YJU2B: variants seen among roughly 807,000 people sequenced by gnomAD.
The protein encoded by YJU2B is probable splicing factor YJU2B.
Under a neutral mutation model 38.0 loss-of-function variants are expected in YJU2B, and 18 were observed. The observed-to-expected ratio is 0.47, with a 90% CI of 0.33 to 0.70. The LOEUF (loss-of-function observed/expected upper bound fraction) is 0.70, where lower values mean the gene tolerates loss of function less well. YJU2B is among the 30% of genes least tolerant of loss of function. YJU2B has a pLI of 0.02. For missense variants in YJU2B, 538 were observed against 556.3 expected, an observed-to-expected ratio of 0.97 and a Z score of 0.33; for synonymous variants, 246 against 225.4, an observed-to-expected ratio of 1.09 and a Z score of -0.82.
intron 2 of YJU2B, among the ~76,000 whole-genome samples, chr19:13,754,082 G>C (rs1012909099): frequency 6.6e-6 from 1 of 152,188 alleles, no homozygotes; most frequent in Non-Finnish European, 1.5e-5. Context: ...TGAGGCAGGA[G>C]AATCGCCTGA....
chr19:13,760,013 A>T (rs1010898356), intron 8 of YJU2B, among the ~76,000 whole-genome samples: 4 of 151,958 alleles, frequency 2.6e-5, no homozygotes, highest in African/African-American at 4.8e-5. Context: ...GCAGGTCTCA[A>T]ACTCCCATCC....
chr19:13,738,932 T>G (rs943405498), intron 2 of YJU2B, among the ~76,000 whole-genome samples: 1 of 145,980 alleles, frequency 6.9e-6, no homozygotes, highest in South Asian at 2.2e-4. Context: ...TGCATGGTGG[T>G]GGGCACCTGT....
Position 13,762,451 on chromosome 19 carries a change from CA to C in YJU2B, c.712+15del, listed in dbSNP as rs755890674. 1.1e-5 allele frequency: 17 copies of C among 1,610,038 alleles called. No homozygotes were observed. Among genetic ancestry groups the C allele is most frequent in the Middle Eastern group, 1.9e-4 (1 of 5,404 alleles). The stretch of plus-strand genomic sequence containing the variant: ...ACACCCTGGACTGTGCGTAGGAGGC[CA>C]GGGGGAAAAGGGGACAGGGAGGCTC... On this transcript the variant is annotated intron_variant, in intron 9 of 9. Transcript: ENST00000221554.
At chr19:13,740,149 C>A (rs1161804580) in intron 2 of YJU2B, among the ~76,000 whole-genome samples, 1 of 152,176 alleles carries the variant, frequency 6.6e-6, no homozygotes, top group Middle Eastern at 3.2e-3. Context: ...AGTTCATGTC[C>A]TTTGCAGGGA....
Position 13,762,647 on chromosome 19 carries a change from C to T in YJU2B, c.770C>T (p.Pro257Leu). 6.4e-7 allele frequency: 1 copy of T among 1,553,508 alleles called. No homozygotes were observed. The highest frequency in any genetic ancestry group is 8.6e-7 in the Non-Finnish European group (1 of 1,157,004). ...GAGATCATCAGCCGCTCCTGGTTCC[C>T]CTCTGCCCCCGGATCCGCCTCCAGC... Reference protein sequence around the residue: ...RTEIISRSWFPSAPGSASSSK... With the variant: ...RTEIISRSWFLSAPGSASSSK... Residue 257 changes from proline (P) to leucine (L), a missense_variant, in exon 10 of 10, where the codon CCC (proline) becomes CTC (leucine). Pro to Leu is a moderately conservative substitution (Grantham distance 98, BLOSUM62 -3). Coordinates refer to ENST00000221554, the MANE Select transcript of YJU2B (RefSeq NM_030818.4).
At chr19:13,754,601 T>G (rs1403327079) in intron 3 of YJU2B, among the ~76,000 whole-genome samples, 1 of 152,102 alleles carries the variant, frequency 6.6e-6, no homozygotes. Context: ...AGCGCACAGA[T>G]GAAGGGTCAG....
At chr19:13,761,452 C>A (rs1263714245) in intron 8 of YJU2B, 2 of 152,582 alleles carry the variant, frequency 1.3e-5, no homozygotes, top group African/African-American at 2.4e-5. Context: ...ACCCACCTGT[C>A]CTGCATTTTT....
upstream of YJU2B, among the ~76,000 whole-genome samples, chr19:13,746,336 C>A (rs1436367377): frequency 6.6e-6 from 1 of 152,114 alleles, no homozygotes; most frequent in Non-Finnish European, 1.5e-5. Flanking sequence ...AAGTATCCAC[C>A]CACTTCTTCT....
chr19:13,751,216 G>A (rs1166005511), intron 1 of YJU2B, among the ~76,000 whole-genome samples: 2 of 152,066 alleles, frequency 1.3e-5, no homozygotes, highest in Admixed American at 6.6e-5. Flanking sequence ...AAGAGATCAA[G>A]ACCATCCTGG....
At chr19:13,751,574 T>C in intron 1 of YJU2B, 34 bp from the exon 2 acceptor site, 2 of 570,908 alleles carry the variant, frequency 3.5e-6, no homozygotes, top group South Asian at 4.3e-5. Context: ...GTATATTGGC[T>C]GTAGAGTGGA....
intron 2 of YJU2B, among the ~76,000 whole-genome samples, chr19:13,753,652 G>GT (rs1973557061): frequency 6.6e-6 from 1 of 150,472 alleles, no homozygotes; most frequent in Non-Finnish European, 1.5e-5. Context: ...TTGACTCACA[G>GT]TTCAGCATGG....
At chr19:13,736,418 C>T (rs1278059730) in intron 2 of YJU2B, among the ~76,000 whole-genome samples, 1 of 151,598 alleles carries the variant, frequency 6.6e-6, no homozygotes, top group Non-Finnish European at 1.5e-5. Flanking sequence ...GCCACTAAGC[C>T]CGGCTAATTT....
At chr19:13,761,756 C>T (rs1055184288) in intron 8 of YJU2B, among the ~76,000 whole-genome samples, 1 of 126,648 alleles carries the variant, frequency 7.9e-6, no homozygotes, top group Non-Finnish European at 1.6e-5. Context: ...CAGTCTCCCC[C>T]CTTTCGCCCT....
In YJU2B at chr19:13,758,507, G is replaced by A. The variant is rs575279766; in HGVS notation, c.258-361G>A. Among the ~76,000 whole-genome samples the A allele has an allele frequency of 9.4e-4, 143 of 152,330 alleles. 1 individual carries two copies. The highest frequency in any genetic ancestry group is 3.4e-3 in the African/African-American group (140 of 41,580). On this transcript the variant is annotated intron_variant, in intron 6 of 9. Transcript: ENST00000221554. ...TAAGTGAATTAACAAATGGATGGAT[G>A]AGCAAATGAATGTATGAATTACTTT...
At chr19:13,762,209 A>G in intron 8 of YJU2B, 90 bp from the exon 9 acceptor site, 1 of 1,437,024 alleles carries the variant, frequency 7.0e-7, no homozygotes, top group South Asian at 1.3e-5. Flanking sequence ...AGTAAATGAG[A>G]CCCCGAGAGT....
rs1973468332 is a variant in YJU2B, at chr19:13,751,616, C to G, written c.-193C>G. 1.7e-6 allele frequency: 1 copy of G among 601,110 alleles called. No individual in the cohort carries two copies. The highest frequency in any genetic ancestry group is 1.9e-5 in the African/African-American group (1 of 53,630). 37.2% of individuals were successfully genotyped at this position (601,110 alleles called of 1,614,324 possible). A position where few individuals can be genotyped will look rare whatever the true frequency, so the allele number is the denominator to read the frequency against. On this transcript the variant is annotated 5_prime_UTR_variant, in exon 2 of 10. Transcript: ENST00000221554. ...TCTCTCTTTCTAAACAGACACGCCG[C>G]TTTTTGGATGCCTCCTATGCCTGGC...
rs866848480 is a variant in YJU2B at position 13,756,994 on chromosome 19, C to T, written c.141-424C>T. 1.8e-4 allele frequency among the ~76,000 whole-genome samples: 25 copies of T among 135,150 alleles called. No homozygotes were observed. The South Asian group carries it at 2.2e-3, about 12-fold the overall frequency. 88.7% of individuals were successfully genotyped at this position (135,150 alleles called of 152,430 possible). On this transcript the variant is annotated intron_variant, in intron 4 of 9. Coordinates refer to ENST00000221554, the MANE Select transcript of YJU2B (RefSeq NM_030818.4). ...CCATCTCAAAAAAAAAAAAAAAATT[C>T]GCCGGAATTGGTGGCGCACACCTAT...
rs1973989492 is a variant in YJU2B at position 13,763,179 on chromosome 19, T to C, written c.*111T>C. 1 of 841,324 alleles carries C rather than the reference T, an allele frequency of 1.2e-6. No homozygotes were observed. Among genetic ancestry groups the C allele is most frequent in the East Asian group, 2.6e-5 (1 of 38,036 alleles). 52.1% of individuals were successfully genotyped at this position (841,324 alleles called of 1,614,324 possible). A position where few individuals can be genotyped will look rare whatever the true frequency, so the allele number is the denominator to read the frequency against. On this transcript the variant is annotated 3_prime_UTR_variant, in exon 10 of 10. Coordinates refer to ENST00000221554, the MANE Select transcript of YJU2B (RefSeq NM_030818.4). ...CCCACCAGCCCTGGGAGAGCTCAGA[T>C]GCCGCATCCTCCCCAGACCGCGCCT...
upstream of YJU2B, among the ~76,000 whole-genome samples, chr19:13,745,534 G>A (rs1973206417): frequency 6.6e-6 from 1 of 151,848 alleles, no homozygotes; most frequent in African/African-American, 2.4e-5. Flanking sequence ...GCGCATGCCT[G>A]TAATCCCAGG....
Sources: allele counts gnomAD v4.1 joint callset (sites outside exome capture counted in the v4.1 genomes callset), GRCh38; gene constraint gnomAD v4.1.1; transcripts MANE v1.5; gene names NCBI Gene and HGNC (gene_info 2026-07-23, HGNC 2026-07-21).